AHRR: variants seen among roughly 807,000 people sequenced by gnomAD.
AHRR encodes the protein aryl hydrocarbon receptor repressor, also known as ahR repressor.
A neutral mutation model predicts 44.0 loss-of-function variants in AHRR; 28 were observed. That is an observed-to-expected ratio of 0.64 (90% CI 0.47 to 0.87). The LOEUF (loss-of-function observed/expected upper bound fraction) is 0.87. Ranked by LOEUF, AHRR falls within the 40% of genes least tolerant of loss-of-function variation. The pLI is 0.00. For missense variants in AHRR, 990 were observed against 953.9 expected, an observed-to-expected ratio of 1.04 and a Z score of -0.50; for synonymous variants, 434 against 407.0, an observed-to-expected ratio of 1.07 and a Z score of -0.80.
intron 5 of AHRR, among the ~76,000 whole-genome samples, chr5:415,958 GC>G (rs999511962): frequency 1.3e-5 from 2 of 152,166 alleles, no homozygotes; most frequent in African/African-American, 2.4e-5. Context: ...TCAATCTCCT[GC>G]CCCTGAGCCC....
At chr5:332,316 G>A (rs1373219787) in intron 1 of AHRR, among the ~76,000 whole-genome samples, 1 of 146,198 alleles carries the variant, frequency 6.8e-6, no homozygotes, top group Non-Finnish European at 1.5e-5. Context: ...TGCCCAGGCT[G>A]GAGTGCAGTG....
In AHRR at chr5:437,231, C is replaced by G. The variant is rs953662438; in HGVS notation, c.*2397C>G. ...ATCTGCTGTATCCCTGAAAAAGTCT[C>G]AATCAACATGCATGTTCCACTCTTG... is the stretch of plus-strand genomic sequence containing the variant. On this transcript the variant is annotated 3_prime_UTR_variant, in exon 11 of 11. Coordinates refer to ENST00000684583, the MANE Select transcript of AHRR (RefSeq NM_001377236.1). 1.3e-5 allele frequency: 2 copies of G among 152,356 alleles called. No homozygotes were observed. The highest frequency in any genetic ancestry group is 4.8e-5 in the African/African-American group (2 of 41,468). 9.4% of individuals were successfully genotyped at this position (152,356 alleles called of 1,614,324 possible).
chr5:422,112 C>A (rs1435726850), intron 5 of AHRR, among the ~76,000 whole-genome samples: 2 of 152,178 alleles, frequency 1.3e-5, no homozygotes, highest in Admixed American at 6.6e-5. Flanking sequence ...GACACGCTCA[C>A]TGGCAGTGGT....
chr5:339,610 G>A (rs1742263269), intron 1 of AHRR, among the ~76,000 whole-genome samples: 1 of 152,026 alleles, frequency 6.6e-6, no homozygotes, highest in Non-Finnish European at 1.5e-5. Flanking sequence ...GCTTTGCCTT[G>A]TTCATGGTCT....
At position 342,849 on chromosome 5, in the gene AHRR, T is replaced by TAA. The variant is rs1742390930; in HGVS notation, c.-10-1043_-10-1042insAA. Among the ~76,000 whole-genome samples the TAA allele has an allele frequency of 6.6e-6, 1 of 152,348 alleles. No homozygotes were observed. Among genetic ancestry groups the TAA allele is most frequent in the East Asian group, 1.9e-4 (1 of 5,190 alleles). ...GCAAGCTGACCAGCCTGGGCACAGATACTGGGCTGCTCCTCAGGGGCCCCG... is the reference window on the plus strand; with the variant it reads ...GCAAGCTGACCAGCCTGGGCACAGATAAACTGGGCTGCTCCTCAGGGGCCCCG... On this transcript the variant is annotated intron_variant, in intron 1 of 10. Coordinates refer to ENST00000684583, the MANE Select transcript of AHRR (RefSeq NM_001377236.1). This position sits in a 1 kb window ranked among gnomAD's most constrained non-coding sequence, Gnocchi z 4.3.
chr5:381,774 AAAGTGCTGGGATT>A (rs1180713558), intron 4 of AHRR, among the ~76,000 whole-genome samples: 4 of 152,096 alleles, frequency 2.6e-5, no homozygotes, highest in Admixed American at 2.0e-4. Context: ...TTGGCCTCCC[AAAGTGCTGGGATT>A]ACAGGCGTGA....
At position 337,943 on chromosome 5, in the gene AHRR, C is replaced by T. The variant is rs1278643543; in HGVS notation, c.-10-5950C>T. Reference sequence around the variant, plus strand: ...TAGGACCGTATTCAGGCCAGTGCAACATCATGCCCTCTATAGGAAGAAATG... The same window carrying T: ...TAGGACCGTATTCAGGCCAGTGCAATATCATGCCCTCTATAGGAAGAAATG... On this transcript the variant is annotated intron_variant, in intron 1 of 10. Coordinates refer to ENST00000684583, the MANE Select transcript of AHRR (RefSeq NM_001377236.1). The surrounding 1 kb of genome is among the most constrained non-coding windows in gnomAD (Gnocchi z 4.1). Among the ~76,000 whole-genome samples the T allele has an allele frequency of 2.0e-5, 3 of 152,244 alleles. No individual in the cohort carries two copies. The highest frequency in any genetic ancestry group is 2.9e-5 in the Non-Finnish European group (2 of 68,042).
At chr5:340,688 A>ATATATATATATATATATATTTT (rs1269938749) in intron 1 of AHRR, among the ~76,000 whole-genome samples, 2 of 12,926 alleles carry the variant, frequency 1.5e-4, no homozygotes, top group Non-Finnish European at 2.5e-4. Context: ...ATATATATAT[A>ATATATATATATATATATATTTT]TTTTTTTTTT....
At chr5:422,549 A>T in intron 5 of AHRR, 180 bp from the exon 6 acceptor site, 1 of 770,512 alleles carries the variant, frequency 1.3e-6, no homozygotes, top group Non-Finnish European at 2.1e-6. Flanking sequence ...CAACTTAGAC[A>T]TCTTCTCAGG....
Position 434,866 on chromosome 5 carries a change from G to C in AHRR, c.*32G>C, listed in dbSNP as rs2672725. The C allele has an allele frequency of 0.86, 1,312,282 of 1,517,626 alleles. 570,585 individuals are homozygous for C. The highest frequency in any genetic ancestry group is 0.89 in the Non-Finnish European group (997,328 of 1,126,588). The allele number at this position is 1,517,626 out of a possible 1,614,324, so 94.0% of individuals were successfully genotyped here. A position where few individuals can be genotyped will look rare whatever the true frequency, so the allele number is the denominator to read the frequency against. On this transcript the variant is annotated 3_prime_UTR_variant, in exon 11 of 11. Coordinates refer to ENST00000684583, the MANE Select transcript of AHRR (RefSeq NM_001377236.1). ...GACCACCATCCAAGCTCAGATCTGT[G>C]TGTCTACGCTCAGATGCGTCGGTGG...
intron 4 of AHRR, among the ~76,000 whole-genome samples, chr5:389,725 T>C (rs1423381840): frequency 1.3e-5 from 2 of 151,504 alleles, no homozygotes; most frequent in African/African-American, 4.9e-5. Context: ...GGCGCAGATA[T>C]GGCGGCCCCC....
At chr5:376,557 A>AACCGTGGGGTAAAC in intron 3 of AHRR, 53 bp from the exon 4 acceptor site, 1 of 1,423,184 alleles carries the variant, frequency 7.0e-7, no homozygotes. Context: ...AATGAAGAAG[A>AACCGTGGGGTAAAC]GTGGCCAGGC....
intron 2 of AHRR, among the ~76,000 whole-genome samples, chr5:346,783 C>T (rs1030665511): frequency 1.3e-5 from 2 of 152,224 alleles, no homozygotes; most frequent in African/African-American, 4.8e-5. Flanking sequence ...CTTCCACATC[C>T]CCCCGCGGGA....
intron 3 of AHRR, among the ~76,000 whole-genome samples, chr5:373,749 C>T (rs535579008): frequency 8.6e-5 from 13 of 151,734 alleles, no homozygotes; most frequent in African/African-American, 1.2e-4. Flanking sequence ...CCGCCCGCCC[C>T]GTGTGCACCC....
intron 2 of AHRR, among the ~76,000 whole-genome samples, chr5:347,818 GGT>G (rs1742728804): frequency 6.6e-6 from 1 of 152,228 alleles, no homozygotes; most frequent in Non-Finnish European, 1.5e-5. Context: ...GTTGAGTCTG[GGT>G]GCCCATCCTG....
rs1227917928 is a variant in AHRR at position 435,655 on chromosome 5, A to G, written c.*821A>G. On this transcript the variant is annotated 3_prime_UTR_variant, in exon 11 of 11. Coordinates refer to ENST00000684583, the MANE Select transcript of AHRR (RefSeq NM_001377236.1). ...CCTCTTGGTACATCACGTAATACAG[A>G]GTTCACAGACTCCGGGTTTGGAAGT... 6 of 152,308 alleles carry G rather than the reference A, an allele frequency of 3.9e-5. No homozygotes were observed. The East Asian group carries it at 7.5e-4, about 19-fold the overall frequency. 9.4% of individuals were successfully genotyped at this position (152,308 alleles called of 1,614,324 possible). A position where few individuals can be genotyped will look rare whatever the true frequency, so the allele number is the denominator to read the frequency against.
At chr5:367,888 C>G in intron 3 of AHRR, 1 of 702,538 alleles carries the variant, frequency 1.4e-6, no homozygotes, top group Admixed American at 2.0e-5. Context: ...CAGGAGGCCC[C>G]GAGCATTGGA....
In AHRR at chr5:434,581, C is replaced by G; in HGVS notation, c.1841C>G (p.Ala614Gly). The change falls in exon 11 of 11, where the codon GCA becomes GGA. Residue 614 changes from alanine (A) to glycine (G), a missense_variant. Ala to Gly is a moderately conservative substitution (Grantham distance 60). Coordinates refer to ENST00000684583, the MANE Select transcript of AHRR (RefSeq NM_001377236.1). ...RSRELTPFHP[A>G]HCACLEPTDG... ...AGGGAGCTGACCCCTTTCCACCCTG[C>G]ACACTGTGCCTGCCTGGAGCCCACA... is the stretch of plus-strand genomic sequence containing the variant. The G allele has an allele frequency of 1.3e-6, 2 of 1,578,428 alleles. No homozygotes were observed. The highest frequency in any genetic ancestry group is 8.6e-7 in the Non-Finnish European group (1 of 1,162,460).
intron 5 of AHRR, among the ~76,000 whole-genome samples, chr5:416,050 G>A (rs753974116): frequency 6.6e-6 from 1 of 152,252 alleles, no homozygotes; most frequent in Non-Finnish European, 1.5e-5. Context: ...CACCGTGGCT[G>A]TGTCTGCACA....
Sources: allele counts gnomAD v4.1 joint callset (sites outside exome capture counted in the v4.1 genomes callset), GRCh38; gene constraint gnomAD v4.1.1; non-coding constraint Gnocchi (gnomAD v3.1); transcripts MANE v1.5; gene names NCBI Gene and HGNC (gene_info 2026-07-23, HGNC 2026-07-21).